Variants in RIMS1 observed in about 807,000 individuals in gnomAD.
RIMS1 encodes regulating synaptic membrane exocytosis protein 1.
Under a neutral mutation model 214.1 loss-of-function variants are expected in RIMS1, and 83 were observed. That is an observed-to-expected ratio of 0.39 (90% CI 0.32 to 0.47). RIMS1 has a LOEUF of 0.47. Ranked by LOEUF, RIMS1 falls within the 20% of genes least tolerant of loss-of-function variation. The probability of loss-of-function intolerance (pLI) is 0.99; values close to 1 mark genes in which losing one functional copy is unlikely to be tolerated. For synonymous variants in RIMS1, 793 were observed against 786.8 expected (o/e 1.01, Z -0.13); for missense variants, 2,050 against 2,161.8 (o/e 0.95, Z 1.03).
chr6:72,348,919 G>T (rs928801728), intron 29 of RIMS1, among the ~76,000 whole-genome samples: 3 of 151,768 alleles, frequency 2.0e-5, no homozygotes, highest in South Asian at 2.1e-4. Context: ...ATTTATAAAA[G>T]GTTTATTAAC....
intron 22 of RIMS1, among the ~76,000 whole-genome samples, chr6:72,267,717 T>G (rs899717304): frequency 6.6e-6 from 1 of 152,116 alleles, no homozygotes; most frequent in Non-Finnish European, 1.5e-5. Context: ...CTGTCTAGCA[T>G]ATGTTCCCTT....
chr6:72,282,789 C>T (rs17795195), intron 23 of RIMS1, among the ~76,000 whole-genome samples: 1,695 of 152,146 alleles, frequency 0.011, 10 homozygotes, highest in Non-Finnish European at 0.017. Flanking sequence ...ATATTGAGTA[C>T]GCTCTTTTCC....
rs529245405 is a variant in RIMS1 at position 72,066,410 on chromosome 6, T to A, written c.246-30539T>A. ...AATAAATGCTATTATTGAATCTCAG[T>A]CAATATCCAAGTTTGTTTTGTCATC... is the stretch of plus-strand genomic sequence containing the variant. On this transcript the variant is annotated intron_variant, in intron 2 of 33. Transcript: ENST00000521978. Among the ~76,000 whole-genome samples the A allele has an allele frequency of 6.9e-4, 105 of 152,292 alleles. 2 individuals carry two copies. The South Asian group carries it at 0.02, about 29-fold the overall frequency.
chr6:72,011,347 T>G (rs1810508236), intron 2 of RIMS1, among the ~76,000 whole-genome samples: 1 of 152,212 alleles, frequency 6.6e-6, no homozygotes, highest in South Asian at 2.1e-4. Context: ...ATTAAAGACT[T>G]AAATGTTGGA....
intron 1 of RIMS1, among the ~76,000 whole-genome samples, chr6:71,903,512 TTAAAC>T (rs983936771): frequency 3.3e-5 from 5 of 152,132 alleles, no homozygotes. Flanking sequence ...TGGGATCTAA[TTAAAC>T]TAAAGAGCTT....
chr6:71,937,505 G>A (rs1472056436), intron 1 of RIMS1, among the ~76,000 whole-genome samples: 1 of 151,538 alleles, frequency 6.6e-6, no homozygotes, highest in Non-Finnish European at 1.5e-5. Flanking sequence ...TGCCTTCCTG[G>A]GCCTCCCAAA....
At chr6:72,124,046 T>C (rs2038986119) in intron 4 of RIMS1, among the ~76,000 whole-genome samples, 1 of 151,868 alleles carries the variant, frequency 6.6e-6, no homozygotes, top group South Asian at 2.1e-4. Flanking sequence ...GCTTGTTAGT[T>C]GATGCAGTTT....
chr6:71,924,648 A>AAAAAAAAAAAAAAAAAAAAG (rs1781028673), intron 1 of RIMS1, among the ~76,000 whole-genome samples: 2 of 149,704 alleles, frequency 1.3e-5, no homozygotes, highest in African/African-American at 5.0e-5. Flanking sequence ...AAAAAAAAAA[A>AAAAAAAAAAAAAAAAAAAAG]TGCAGAAAAT....
chr6:72,361,032 G>A (rs959495477), intron 29 of RIMS1, among the ~76,000 whole-genome samples: 1 of 147,430 alleles, frequency 6.8e-6, no homozygotes, highest in Non-Finnish European at 1.5e-5. Flanking sequence ...GAGAAATTTA[G>A]GGAGGTTCCT....
intron 30 of RIMS1, 107 bp from the exon 31 acceptor site, chr6:72,392,587 CTAAG>C: frequency 6.3e-6 from 5 of 793,712 alleles, no homozygotes; most frequent in Middle Eastern, 3.3e-4. Flanking sequence ...AACAGATTGT[CTAAG>C]TAATATTTAT....
chr6:72,044,531 C>T (rs755417513), intron 2 of RIMS1, among the ~76,000 whole-genome samples: 9 of 151,662 alleles, frequency 5.9e-5, no homozygotes, highest in Admixed American at 5.3e-4. Flanking sequence ...AGACAGCAAA[C>T]GACCCCCCTG....
chr6:72,012,050 A>G (rs1810839899), intron 2 of RIMS1, among the ~76,000 whole-genome samples: 1 of 152,216 alleles, frequency 6.6e-6, no homozygotes, highest in South Asian at 2.1e-4. Context: ...TTGCGGCACT[A>G]TTCACAATAG....
chr6:72,083,434 C>T (rs1438035268), intron 2 of RIMS1, among the ~76,000 whole-genome samples: 2 of 152,010 alleles, frequency 1.3e-5, no homozygotes, highest in Admixed American at 1.3e-4. Context: ...TCTGGAGTTT[C>T]CACAAAACAA....
chr6:72,179,546 A>C (rs766576429), intron 4 of RIMS1, 29 bp from the exon 5 acceptor site: 5 of 1,543,294 alleles, frequency 3.2e-6, no homozygotes, highest in Non-Finnish European at 4.4e-6. Flanking sequence ...GGGCATAAAA[A>C]TTTATATTGT....
intron 6 of RIMS1, among the ~76,000 whole-genome samples, chr6:72,224,052 A>G (rs1340624044): frequency 3.3e-5 from 5 of 152,108 alleles, no homozygotes; most frequent in Non-Finnish European, 7.4e-5. Context: ...GGAGATTATC[A>G]GCAGGAGCAG....
intron 2 of RIMS1, among the ~76,000 whole-genome samples, chr6:71,981,107 A>G (rs1798368565): frequency 6.6e-6 from 1 of 152,108 alleles, no homozygotes; most frequent in African/African-American, 2.4e-5. Flanking sequence ...TCACCAGTCT[A>G]AGTTCTGCAT....
chr6:72,326,363 A>C (rs1336329626), intron 28 of RIMS1, among the ~76,000 whole-genome samples: 1 of 151,786 alleles, frequency 6.6e-6, no homozygotes, highest in Non-Finnish European at 1.5e-5. Context: ...ACATTGTAAT[A>C]ATGGGCCAAA....
At chr6:71,947,350 A>G (rs536702607) in intron 1 of RIMS1, among the ~76,000 whole-genome samples, 1 of 152,290 alleles carries the variant, frequency 6.6e-6, no homozygotes, top group East Asian at 1.9e-4. Context: ...GTATATATAC[A>G]TAATGGAATA....
At chr6:72,352,993 T>C (rs1275161405) in intron 29 of RIMS1, among the ~76,000 whole-genome samples, 1 of 141,874 alleles carries the variant, frequency 7.0e-6, no homozygotes, top group Non-Finnish European at 1.5e-5. Flanking sequence ...CTTTTTTTTT[T>C]TTTTTTTTTT....
Sources: allele counts gnomAD v4.1 joint callset (sites outside exome capture counted in the v4.1 genomes callset), GRCh38; gene constraint gnomAD v4.1.1; transcripts MANE v1.5; gene names NCBI Gene and HGNC (gene_info 2026-07-23, HGNC 2026-07-21).